The following DIAPH2 variants were observed in gnomAD, a reference collection of about 807,000 sequenced individuals.
The protein encoded by DIAPH2 is protein diaphanous homolog 2.
DIAPH2 carries 35 observed loss-of-function variants against 92.7 expected under a neutral mutation model. That is an observed-to-expected ratio of 0.38 (90% confidence interval 0.29 to 0.50). DIAPH2 has a LOEUF of 0.50. Among genes scored for constraint, DIAPH2 ranks in the 20% least tolerant of loss-of-function variants. The probability of loss-of-function intolerance (pLI) is 0.94; values close to 1 mark genes in which losing one functional copy is unlikely to be tolerated. For missense variants in DIAPH2, 701 were observed against 819.5 expected (o/e 0.86, Z 1.77); for synonymous variants, 301 against 280.4 (o/e 1.07, Z -0.73).
At chrX:97,307,205 T>C (rs2068754261) in intron 23 of DIAPH2, among the ~76,000 whole-genome samples, 1 of 112,214 alleles carries the variant, frequency 8.9e-6, no homozygotes, top group South Asian at 3.7e-4. Context: ...CTTGTGAAAC[T>C]AAAAGTTTAT....
chrX:97,519,260 AT>A (rs915024740), intron 26 of DIAPH2, among the ~76,000 whole-genome samples: 8 of 111,629 alleles, frequency 7.2e-5, no homozygotes, highest in African/African-American at 2.0e-4. Context: ...AATGAAGGTG[AT>A]TTTTTTCCCC....
At chrX:96,871,406 A>C (rs777078406) in intron 4 of DIAPH2, among the ~76,000 whole-genome samples, 1,610 of 90,822 alleles carry the variant, frequency 0.018, 33 homozygotes, top group African/African-American at 0.065. Flanking sequence ...GTAGGCGGAG[A>C]TTGCAGTGAG....
intron 26 of DIAPH2, among the ~76,000 whole-genome samples, chrX:97,563,346 T>C (rs998932695): frequency 2.7e-5 from 3 of 112,008 alleles, no homozygotes; most frequent in African/African-American, 9.7e-5. Flanking sequence ...TTCAGAGGTA[T>C]GAGAGGTCAG....
chrX:97,264,804 T>G (rs2068321854), intron 23 of DIAPH2, among the ~76,000 whole-genome samples: 1 of 111,160 alleles, frequency 9.0e-6, no homozygotes, highest in Admixed American at 9.6e-5. Flanking sequence ...GCCAAGATGG[T>G]GAAACCTCAT....
intron 17 of DIAPH2, among the ~76,000 whole-genome samples, chrX:96,989,926 C>T (rs975318334): frequency 2.7e-5 from 3 of 111,874 alleles, no homozygotes; most frequent in Non-Finnish European, 5.6e-5. Flanking sequence ...TATTTTAAAA[C>T]ATGTAGAGAG....
chrX:97,177,355 A>G (rs2067500839), intron 22 of DIAPH2, among the ~76,000 whole-genome samples: 1 of 111,848 alleles, frequency 8.9e-6, no homozygotes, highest in African/African-American at 3.2e-5. Context: ...AGTGGTTTAT[A>G]TAGGATTGGA....
intron 23 of DIAPH2, among the ~76,000 whole-genome samples, chrX:97,248,902 G>C (rs2068163726): frequency 9.0e-6 from 1 of 111,476 alleles, no homozygotes; most frequent in Non-Finnish European, 1.9e-5. Context: ...ACTGTGTTTT[G>C]TATGGTACTT....
chrX:97,383,747 A>AT (rs2069572152), intron 24 of DIAPH2, among the ~76,000 whole-genome samples, 162 bp from the exon 25 acceptor site: 1 of 110,573 alleles, frequency 9.0e-6, no homozygotes, highest in Admixed American at 9.9e-5. Context: ...ATTTATATAA[A>AT]TTTAAAACTG....
At chrX:96,926,290 T>C (rs1004729300) in intron 9 of DIAPH2, among the ~76,000 whole-genome samples, 2 of 91,053 alleles carry the variant, frequency 2.2e-5, no homozygotes, top group African/African-American at 6.9e-5. Context: ...CTCTGTCACT[T>C]AGGTAAACAA....
At chrX:97,088,443 C>T (rs182725405) in intron 19 of DIAPH2, among the ~76,000 whole-genome samples, 96 of 112,187 alleles carry the variant, frequency 8.6e-4, no homozygotes, top group Non-Finnish European at 1.6e-3. Flanking sequence ...GTATCATAAG[C>T]ATTCTTTGTA....
intron 4 of DIAPH2, among the ~76,000 whole-genome samples, chrX:96,841,507 C>A: frequency 8.9e-6 from 1 of 111,788 alleles, no homozygotes; most frequent in South Asian, 3.8e-4. Context: ...ACTCCTTATG[C>A]CTTGAAAGTG....
intron 17 of DIAPH2, among the ~76,000 whole-genome samples, chrX:97,027,159 G>C (rs150279028): frequency 0.011 from 1,200 of 112,004 alleles, 8 homozygotes; most frequent in Non-Finnish European, 0.017. Flanking sequence ...GAAGTATAGA[G>C]ATACAAATAT....
At chrX:96,863,124 A>G (rs2065081548) in intron 4 of DIAPH2, among the ~76,000 whole-genome samples, 1 of 110,054 alleles carries the variant, frequency 9.1e-6, no homozygotes, top group East Asian at 2.8e-4. Context: ...GGTGGTACAT[A>G]CTTGAATAAA....
Position 97,301,148 on chromosome X carries a change from C to G in DIAPH2, c.2845-46968C>G, listed in dbSNP as rs773656732. The stretch of plus-strand genomic sequence containing the variant: ...CGTAGGCCACAGAGCGAGACTCCGT[C>G]TCAAAAAAAAAAAAAAAAAAAAAGA... On this transcript the variant is annotated intron_variant, in intron 23 of 26. Coordinates refer to ENST00000324765, the MANE Select transcript of DIAPH2 (RefSeq NM_006729.5). Among the ~76,000 whole-genome samples the G allele has an allele frequency of 4.2e-3, 296 of 71,202 alleles. 4 individuals carry two copies. The highest frequency in any genetic ancestry group is 0.015 in the African/African-American group (264 of 17,098). 61.8% of individuals were successfully genotyped at this position (71,202 alleles called of 115,157 possible).
intron 20 of DIAPH2, among the ~76,000 whole-genome samples, chrX:97,105,866 C>CAGAGATGA (rs1366180737): frequency 3.6e-5 from 4 of 112,044 alleles, no homozygotes; most frequent in African/African-American, 1.3e-4. Flanking sequence ...TAATAGGAAG[C>CAGAGATGA]ACAGATGATG....
intron 26 of DIAPH2, among the ~76,000 whole-genome samples, chrX:97,547,579 T>C (rs751537506): frequency 8.9e-6 from 1 of 112,429 alleles, no homozygotes; most frequent in Admixed American, 9.4e-5. Context: ...GCATAGGTGC[T>C]GTTTGGATTT....
Position 97,152,178 on chromosome X carries a change from C to A in DIAPH2, c.2719+10384C>A, listed in dbSNP as rs376632080. On this transcript the variant is annotated intron_variant, in intron 22 of 26. Coordinates refer to ENST00000324765, the MANE Select transcript of DIAPH2 (RefSeq NM_006729.5). ...CTTAGGGATTGGGGAGGTTACCAAA[C>A]AGTATCAGAGCTACCTGAGCAACAC... Among the ~76,000 whole-genome samples, 27 of 111,682 alleles carry A rather than the reference C, an allele frequency of 2.4e-4. No homozygotes were observed. In the South Asian group the frequency reaches 8.8e-3, roughly 36 times the overall value.
At chrX:96,996,030 A>C (rs1483327717) in intron 17 of DIAPH2, among the ~76,000 whole-genome samples, 2 of 111,446 alleles carry the variant, frequency 1.8e-5, no homozygotes, top group East Asian at 5.6e-4. Flanking sequence ...GCCACATTAC[A>C]TTATATGCTT....
chrX:97,434,461 T>C (rs1233497166), intron 26 of DIAPH2, among the ~76,000 whole-genome samples: 1 of 106,392 alleles, frequency 9.4e-6, no homozygotes, highest in Admixed American at 1.0e-4. Flanking sequence ...CAGGCTGAAG[T>C]GCAGTGGTGC....
Sources: allele counts gnomAD v4.1 joint callset (sites outside exome capture counted in the v4.1 genomes callset), GRCh38; gene constraint gnomAD v4.1.1; transcripts MANE v1.5; gene names NCBI Gene and HGNC (gene_info 2026-07-23, HGNC 2026-07-21).